ALK: variants seen among roughly 807,000 people sequenced by gnomAD.
The protein encoded by ALK is ALK tyrosine kinase receptor.
In ALK, 74 loss-of-function variants were observed where a neutral mutation model predicts 163.1. The ratio of observed to expected loss-of-function variants is 0.45; its 90% CI spans 0.38 to 0.55. The LOEUF (loss-of-function observed/expected upper bound fraction) is 0.55, where lower values mean the gene tolerates loss of function less well. ALK is among the 20% of genes least tolerant of loss of function. ALK has a pLI of 0.00. For synonymous variants in ALK, 960 were observed against 843.2 expected (o/e 1.14, Z -2.40); for missense variants, 2,063 against 2,105.3 (o/e 0.98, Z 0.39).
intron 3 of ALK, among the ~76,000 whole-genome samples, chr2:29,556,886 C>G (rs1178237479): frequency 6.6e-6 from 1 of 152,160 alleles, no homozygotes; most frequent in Non-Finnish European, 1.5e-5. Context: ...AATATTTCTC[C>G]TCCAGACAAT....
chr2:29,861,003 T>TA, intron 1 of ALK, among the ~76,000 whole-genome samples: 2 of 152,038 alleles, frequency 1.3e-5, no homozygotes, highest in African/African-American at 2.4e-5. Flanking sequence ...AGACCCTATC[T>TA]CTACAAAAAA....
intron 24 of ALK, 38 bp downstream of exon 24, chr2:29,213,946 G>C (rs993459690): frequency 4.5e-6 from 7 of 1,555,362 alleles, no homozygotes; most frequent in Non-Finnish European, 6.2e-6. Flanking sequence ...ACAGATCAGC[G>C]ACAGGATGAC....
intron 5 of ALK, among the ~76,000 whole-genome samples, chr2:29,372,001 G>A (rs141861415): frequency 2.6e-5 from 4 of 152,278 alleles, no homozygotes; most frequent in Admixed American, 6.5e-5. Flanking sequence ...TAACATTTGC[G>A]TGCAGTTTGC....
chr2:29,678,015 T>A (rs72864498), intron 3 of ALK, among the ~76,000 whole-genome samples: 1,959 of 152,116 alleles, frequency 0.013, 39 homozygotes, highest in African/African-American at 0.045. Flanking sequence ...GTTTTGGTAA[T>A]TTGTGTGTCT....
intron 3 of ALK, among the ~76,000 whole-genome samples, chr2:29,613,639 G>A (rs931871569): frequency 6.6e-6 from 1 of 152,202 alleles, no homozygotes; most frequent in Non-Finnish European, 1.5e-5. Flanking sequence ...CATGAAGAAA[G>A]TGAAACCTTG....
intron 1 of ALK, among the ~76,000 whole-genome samples, chr2:29,913,097 G>T (rs1281577964): frequency 1.3e-5 from 2 of 151,756 alleles, no homozygotes; most frequent in Non-Finnish European, 2.9e-5. Flanking sequence ...GCCTACCACT[G>T]CATGCACCTG....
At chr2:29,209,542 CAAAAAAAAAAA>C in intron 25 of ALK, among the ~76,000 whole-genome samples, 1 of 80,182 alleles carries the variant, frequency 1.2e-5, no homozygotes. Flanking sequence ...AACTCCGTCT[CAAAAAAAAAAA>C]AAAAAAAAAA....
chr2:29,522,692 T>C (rs6714833), intron 4 of ALK, among the ~76,000 whole-genome samples: 17,604 of 152,012 alleles, frequency 0.12, 1,321 homozygotes, highest in East Asian at 0.29. Context: ...GAAAAGGGGT[T>C]AAGGGCAGTC....
At chr2:29,838,733 A>G (rs1013389777) in intron 1 of ALK, among the ~76,000 whole-genome samples, 1 of 152,182 alleles carries the variant, frequency 6.6e-6, no homozygotes, top group African/African-American at 2.4e-5. Context: ...CCTGTGGGTG[A>G]AAAATGAATA....
At chr2:29,214,120 G>A (rs2148159711) in intron 23 of ALK, 39 bp from the exon 24 acceptor site, 2 of 1,555,510 alleles carry the variant, frequency 1.3e-6, no homozygotes, top group South Asian at 2.2e-5. Context: ...CGAGGAGCTT[G>A]TCAGTGAGAG....
chr2:29,665,023 C>G (rs2148265156), intron 3 of ALK, among the ~76,000 whole-genome samples: 1 of 143,000 alleles, frequency 7.0e-6, no homozygotes, highest in African/African-American at 2.6e-5. Flanking sequence ...TTTTTTGAGA[C>G]CTGCTCTCAC....
At chr2:29,536,095 A>C (rs1573437849) in intron 3 of ALK, among the ~76,000 whole-genome samples, 1 of 152,228 alleles carries the variant, frequency 6.6e-6, no homozygotes, top group East Asian at 1.9e-4. Context: ...GGTATGCAAC[A>C]CAATGCTTGC....
chr2:29,756,935 G>A (rs1680553166), intron 1 of ALK, among the ~76,000 whole-genome samples: 1 of 152,198 alleles, frequency 6.6e-6, no homozygotes, highest in African/African-American at 2.4e-5. Flanking sequence ...CCGTGGGAGA[G>A]CAGACCATGA....
intron 3 of ALK, among the ~76,000 whole-genome samples, chr2:29,593,348 G>A (rs1450638589): frequency 6.6e-6 from 1 of 152,198 alleles, no homozygotes; most frequent in Non-Finnish European, 1.5e-5. Flanking sequence ...AACAGGGAGT[G>A]AAGAGATGCA....
chr2:29,694,913 C>G lies in ALK; in HGVS notation c.889G>C (p.Glu297Gln), dbSNP rs2148289760. 6.2e-7 allele frequency: 1 copy of G among 1,614,116 alleles called. No individual in the cohort carries two copies. The highest frequency in any genetic ancestry group is 1.7e-4 in the Middle Eastern group (1 of 6,050). The change falls in exon 3 of 29, where the codon GAG becomes CAG. Residue 297 changes from glutamate (E) to glutamine (Q), a missense_variant. Glu to Gln is a conservative substitution (Grantham distance 29). Coordinates refer to ENST00000389048, the MANE Select transcript of ALK (RefSeq NM_004304.5). The part of the protein sequence containing the change: ...SWSWRRIPSE[E>Q]ASQMDLLDGP... ...TCCAGCAAGTCCATCTGGGAGGCCT[C>G]CTCGGAGGGGATGCGGCGCCAGGAC... is the stretch of plus-strand genomic sequence containing the variant.
chr2:29,252,069 T>C (rs886439087), intron 11 of ALK, among the ~76,000 whole-genome samples: 2 of 152,150 alleles, frequency 1.3e-5, no homozygotes, highest in Non-Finnish European at 2.9e-5. Flanking sequence ...ATGCTCCTCC[T>C]TTTCCCAGCT....
At chr2:29,626,722 T>C (rs185423806) in intron 3 of ALK, among the ~76,000 whole-genome samples, 1 of 152,294 alleles carries the variant, frequency 6.6e-6, no homozygotes, top group Admixed American at 6.5e-5. Flanking sequence ...GAACCAAATC[T>C]GCCAGCACCT....
chr2:29,380,471 T>A (rs1318776646), intron 5 of ALK, among the ~76,000 whole-genome samples: 4 of 151,912 alleles, frequency 2.6e-5, no homozygotes, highest in Non-Finnish European at 2.9e-5. Flanking sequence ...CAGGCTGGAG[T>A]GCAATGGTGC....
intron 1 of ALK, among the ~76,000 whole-genome samples, chr2:29,766,552 C>G (rs1680868347): frequency 6.6e-6 from 1 of 152,154 alleles, no homozygotes; most frequent in Admixed American, 6.5e-5. Context: ...CTGGGTCTCC[C>G]AGCATTGCAC....
Sources: allele counts gnomAD v4.1 joint callset (sites outside exome capture counted in the v4.1 genomes callset), GRCh38; gene constraint gnomAD v4.1.1; transcripts MANE v1.5; gene names NCBI Gene and HGNC (gene_info 2026-07-23, HGNC 2026-07-21).